KLB: variants seen among roughly 807,000 people sequenced by gnomAD.
KLB encodes the protein beta-klotho.
Under a neutral mutation model 88.4 loss-of-function variants are expected in KLB, and 44 were observed. The ratio of observed to expected loss-of-function variants is 0.50; its 90% CI spans 0.39 to 0.64. The LOEUF is 0.64. Among genes scored for constraint, KLB ranks in the 30% least tolerant of loss-of-function variants. The pLI, the probability that KLB is intolerant of heterozygous loss-of-function variation, is 0.00. For missense variants in KLB, 1,137 were observed against 1,304.8 expected, an observed-to-expected ratio of 0.87 and a Z score of 1.98; for synonymous variants, 548 against 513.4, an observed-to-expected ratio of 1.07 and a Z score of -0.91.
chr4:39,410,276 A>T (rs1343592577), intron 1 of KLB, among the ~76,000 whole-genome samples: 1 of 152,234 alleles, frequency 6.6e-6, no homozygotes, highest in Non-Finnish European at 1.5e-5. Context: ...ATAGTTGATA[A>T]AATGACATAT....
At chr4:39,425,387 GAA>G (rs1743182806) in intron 1 of KLB, among the ~76,000 whole-genome samples, 1 of 152,110 alleles carries the variant, frequency 6.6e-6, no homozygotes, top group African/African-American at 2.4e-5. Context: ...ATTCCTTCAG[GAA>G]AATTCTGAGA....
intron 1 of KLB, among the ~76,000 whole-genome samples, chr4:39,411,582 C>G (rs1444542704): frequency 1.3e-5 from 2 of 151,060 alleles, no homozygotes; most frequent in Non-Finnish European, 1.5e-5. Flanking sequence ...TGCAGTGGCT[C>G]GATCTCAGCT....
Position 39,446,670 on chromosome 4 carries a change from C to T in KLB, c.1944C>T (p.His648=). 1.2e-6 allele frequency: 2 copies of T among 1,612,256 alleles called. No homozygotes were observed. The highest frequency in any genetic ancestry group is 8.5e-7 in the Non-Finnish European group (1 of 1,179,044). Reference sequence around the variant, plus strand: ...CCCTGTATTATCCGACCCACGCCCACCTAGGCCTCCCCGAGCCTCTGTTGC... The same window carrying T: ...CCCTGTATTATCCGACCCACGCCCATCTAGGCCTCCCCGAGCCTCTGTTGC... ...MVTLYYPTHA[H]LGLPEPLLHA... is the part of the protein sequence containing the mutation. The change falls in exon 4 of 5, where the codon CAC becomes CAT. Residue 648 remains histidine, a synonymous_variant. Coordinates refer to ENST00000257408, the MANE Select transcript of KLB (RefSeq NM_175737.4). This position sits in a 1 kb window ranked among gnomAD's most constrained non-coding sequence, Gnocchi z 6.4.
rs765979529 is a variant in KLB, at chr4:39,447,192, G to C, written c.2466G>C (p.Ala822=). 6.2e-7 allele frequency: 1 copy of C among 1,613,932 alleles called. No homozygotes were observed. The highest frequency in any genetic ancestry group is 8.5e-7 in the Non-Finnish European group (1 of 1,180,042). ...RLLKGTVDFC[A]LNHFTTRFVM... Reference sequence around the variant, plus strand: ...TCAAGGGCACGGTCGACTTCTGCGCGCTCAACCACTTCACCACTAGGTTCG... The same window carrying C: ...TCAAGGGCACGGTCGACTTCTGCGCCCTCAACCACTTCACCACTAGGTTCG... Residue 822 remains alanine (A), a synonymous_variant, in exon 4 of 5, where the codon GCG becomes GCC. Transcript: ENST00000257408.
At chr4:39,434,787 T>C in intron 2 of KLB, 67 bp downstream of exon 2, 2 of 1,234,044 alleles carry the variant, frequency 1.6e-6, no homozygotes, top group Non-Finnish European at 2.3e-6. Flanking sequence ...AAGTCACCTT[T>C]GAATATGTAA....
Position 39,448,375 on chromosome 4 carries a change from T to C in KLB, c.2824T>C (p.Phe942Leu), listed in dbSNP as rs1391024636. 3.7e-6 allele frequency: 6 copies of C among 1,613,742 alleles called. No individual in the cohort carries two copies. The highest frequency in any genetic ancestry group is 5.1e-6 in the Non-Finnish European group (6 of 1,179,622). Residue 942 changes from phenylalanine (F) to leucine (L), a missense_variant, in exon 5 of 5, where the codon TTT (phenylalanine) becomes CTT (leucine). Phe to Leu is a conservative substitution (Grantham distance 22). Around this residue, in one of 4 missense-constraint regions of KLB, gnomAD observed 426 missense variants for 404.6 expected, o/e 1.05. Coordinates refer to ENST00000257408, the MANE Select transcript of KLB (RefSeq NM_175737.4). ...KLAEEKSKPRFGFFTSDFKAK... is the reference protein window; with the variant it reads ...KLAEEKSKPRLGFFTSDFKAK... ...GGCTGAAGAGAAATCTAAACCCAGA[T>C]TTGGATTCTTCACATCTGATTTTAA... is the stretch of plus-strand genomic sequence containing the variant.
At chr4:39,408,274 C>T (rs1227413335) in intron 1 of KLB, among the ~76,000 whole-genome samples, 1 of 152,118 alleles carries the variant, frequency 6.6e-6, no homozygotes, top group Non-Finnish European at 1.5e-5. Flanking sequence ...AAATATACTT[C>T]ACTTTTGATT....
At chr4:39,422,338 T>A (rs545686881) in intron 1 of KLB, among the ~76,000 whole-genome samples, 1 of 152,240 alleles carries the variant, frequency 6.6e-6, no homozygotes, top group South Asian at 2.1e-4. Context: ...TAGAAACTTT[T>A]AAAAATTGAA....
rs141653486 is a variant in KLB at position 39,437,900 on chromosome 4, C to T, written c.1510C>T (p.Arg504Ter). 5.6e-6 allele frequency: 9 copies of T among 1,614,120 alleles called. No individual in the cohort carries two copies. Among genetic ancestry groups the T allele is most frequent in the Non-Finnish European group, 7.6e-6 (9 of 1,179,974 alleles). The change falls in exon 3 of 5, where the codon CGA (arginine) becomes TGA (stop). Residue 504 changes from arginine (R) to a stop codon, truncating the protein, a stop_gained. Transcript: ENST00000257408. LOFTEE classifies it high-confidence loss of function. Reference protein sequence around the residue: ...SSAHYYKQIIRENGFSLKEST... With the variant: ...SSAHYYKQII ...AGCACACTACTACAAACAGATCATA[C>T]GAGAAAATGGTTTTTCTTTAAAAGA... is the stretch of plus-strand genomic sequence containing the variant.
At chr4:39,421,281 G>A (rs1488356218) in intron 1 of KLB, among the ~76,000 whole-genome samples, 1 of 152,150 alleles carries the variant, frequency 6.6e-6, no homozygotes, top group African/African-American at 2.4e-5. Flanking sequence ...AATAATAGCT[G>A]GAGGTTGAAG....
chr4:39,412,397 CCCCCAAGCTTTGGGGATAAAGT>C (rs1343087050), intron 1 of KLB, among the ~76,000 whole-genome samples: 1 of 152,014 alleles, frequency 6.6e-6, no homozygotes, highest in African/African-American at 2.4e-5. Flanking sequence ...ATTAGTGGCC[CCCCCAAGCTTTGGGGATAAAGT>C]CTCAATTTTT....
At chr4:39,447,753 T>G (rs796451397) in intron 4 of KLB, among the ~76,000 whole-genome samples, 2 of 152,242 alleles carry the variant, frequency 1.3e-5, no homozygotes, top group Non-Finnish European at 2.9e-5. Context: ...GTCACTATTT[T>G]GGGTTACTTA....
chr4:39,447,695 GAGA>G (rs1308266940), intron 4 of KLB, among the ~76,000 whole-genome samples: 2 of 152,174 alleles, frequency 1.3e-5, no homozygotes, highest in East Asian at 3.8e-4. Flanking sequence ...TGGGCACGTG[GAGA>G]AGTTTTTAAA....
chr4:39,408,838 T>C (rs1742780892), intron 1 of KLB, among the ~76,000 whole-genome samples: 1 of 151,956 alleles, frequency 6.6e-6, no homozygotes, highest in Non-Finnish European at 1.5e-5. Context: ...TAAATTATTC[T>C]GCACACCTGT....
At chr4:39,427,125 A>G (rs1399597674) in intron 1 of KLB, among the ~76,000 whole-genome samples, 2 of 152,234 alleles carry the variant, frequency 1.3e-5, no homozygotes, top group Non-Finnish European at 2.9e-5. Flanking sequence ...GCTTGAGGCC[A>G]GGAGTTCGAT....
chr4:39,414,427 C>G (rs1402024915), intron 1 of KLB, among the ~76,000 whole-genome samples: 1 of 151,904 alleles, frequency 6.6e-6, no homozygotes, highest in Non-Finnish European at 1.5e-5. Flanking sequence ...CCTGGCTTTG[C>G]CTTATTTGTG....
intron 1 of KLB, among the ~76,000 whole-genome samples, chr4:39,409,797 G>A (rs1742801105): frequency 6.6e-6 from 1 of 151,714 alleles, no homozygotes; most frequent in Non-Finnish European, 1.5e-5. Flanking sequence ...CGTGGCACGT[G>A]CCTATAGTCC....
chr4:39,438,832 A>G (rs1399903694), intron 3 of KLB, among the ~76,000 whole-genome samples: 1 of 151,674 alleles, frequency 6.6e-6, no homozygotes, highest in East Asian at 1.9e-4. Flanking sequence ...TTTTAGAGCC[A>G]GGTGAGACCT....
At chr4:39,412,005 T>A (rs1278443830) in intron 1 of KLB, 1 of 151,684 alleles carries the variant, frequency 6.6e-6, no homozygotes, top group South Asian at 2.1e-4. Context: ...GGACTATATA[T>A]ACAGAATGAT....
Sources: allele counts gnomAD v4.1 joint callset (sites outside exome capture counted in the v4.1 genomes callset), GRCh38; gene constraint gnomAD v4.1.1; regional missense constraint gnomAD v4.1.1; non-coding constraint Gnocchi (gnomAD v3.1); transcripts MANE v1.5; gene names NCBI Gene and HGNC (gene_info 2026-07-23, HGNC 2026-07-21).